The following IL1RAPL1 variants were observed in gnomAD, a reference collection of about 807,000 sequenced individuals.
The protein encoded by IL1RAPL1 is interleukin-1 receptor accessory protein-like 1.
IL1RAPL1 carries 3 observed loss-of-function variants against 48.4 expected under a neutral mutation model. That is an observed-to-expected ratio of 0.06 (90% CI 0.03 to 0.16). The LOEUF is 0.16. Ranked by LOEUF, IL1RAPL1 falls within the 10% of genes least tolerant of loss-of-function variation. The pLI is 1.00. For missense variants in IL1RAPL1, 349 were observed against 530.6 expected (o/e 0.66, Z 3.36); for synonymous variants, 185 against 187.7 (o/e 0.99, Z 0.12).
At chrX:29,353,835 T>G (rs757989449) in intron 3 of IL1RAPL1, among the ~76,000 whole-genome samples, 17 of 108,050 alleles carry the variant, frequency 1.6e-4, no homozygotes, top group African/African-American at 5.7e-4. Flanking sequence ...TCCAGTGTTT[T>G]TTTTTTTTTT....
intron 1 of IL1RAPL1, among the ~76,000 whole-genome samples, chrX:28,605,331 C>T (rs1239811396): frequency 8.9e-6 from 1 of 112,423 alleles, no homozygotes; most frequent in Admixed American, 9.4e-5. Context: ...CCCAAATCTA[C>T]TTTGTTCGCA....
chrX:28,775,281 C>G (rs981385759), intron 1 of IL1RAPL1, among the ~76,000 whole-genome samples: 2 of 112,097 alleles, frequency 1.8e-5, no homozygotes, highest in African/African-American at 6.5e-5. Context: ...AGGCCATGCT[C>G]TCGCAGAAGT....
chrX:29,632,332 G>T, intron 5 of IL1RAPL1, among the ~76,000 whole-genome samples: 1 of 109,625 alleles, frequency 9.1e-6, no homozygotes, highest in Non-Finnish European at 1.9e-5. Context: ...TGTATTTTCA[G>T]TAGAGACGGG....
intron 5 of IL1RAPL1, among the ~76,000 whole-genome samples, chrX:29,638,582 A>G (rs1031920374): frequency 1.8e-5 from 2 of 111,542 alleles, no homozygotes; most frequent in African/African-American, 6.5e-5. Flanking sequence ...TTATTCCTTG[A>G]CAGTTATCAG....
chrX:29,293,692 T>C (rs1932404931), intron 3 of IL1RAPL1, among the ~76,000 whole-genome samples: 1 of 111,507 alleles, frequency 9.0e-6, no homozygotes, highest in African/African-American at 3.3e-5. Flanking sequence ...AATTGGTAAT[T>C]ATAATGAGGG....
intron 6 of IL1RAPL1, among the ~76,000 whole-genome samples, chrX:29,750,081 C>T (rs1928422095): frequency 8.9e-6 from 1 of 112,027 alleles, no homozygotes; most frequent in Non-Finnish European, 1.9e-5. Flanking sequence ...TTCCTTGTGA[C>T]ACCTCAATTC....
At chrX:29,361,561 A>ACACACACACG (rs1555998905) in intron 3 of IL1RAPL1, among the ~76,000 whole-genome samples, 7 of 108,048 alleles carry the variant, frequency 6.5e-5, no homozygotes, top group African/African-American at 2.5e-4. Context: ...ACACACACAC[A>ACACACACACG]CACACACACA....
intron 2 of IL1RAPL1, among the ~76,000 whole-genome samples, chrX:29,124,231 C>A (rs1325548283): frequency 8.9e-6 from 1 of 111,845 alleles, no homozygotes; most frequent in East Asian, 2.8e-4. Context: ...ATAATTGATC[C>A]AGAGGATATT....
intron 1 of IL1RAPL1, among the ~76,000 whole-genome samples, chrX:28,738,469 G>T (rs968078732): frequency 9.0e-6 from 1 of 111,255 alleles, no homozygotes; most frequent in African/African-American, 3.3e-5. Context: ...ATTAAAACTG[G>T]GGGAGAGTTA....
At position 29,355,229 on chromosome X, in the gene IL1RAPL1, A is replaced by G. The variant is rs897871059; in HGVS notation, c.363-41029A>G. 3.6e-5 allele frequency among the ~76,000 whole-genome samples: 4 copies of G among 111,755 alleles called. No homozygotes were observed. In the Admixed American group the frequency reaches 3.8e-4, roughly 11 times the overall value. On this transcript the variant is annotated intron_variant, in intron 3 of 10. Coordinates refer to ENST00000378993, the MANE Select transcript of IL1RAPL1 (RefSeq NM_014271.4). ...TCACATGTGTCTGCTATTTCTCAAA[A>G]TAACTAGTTCAAAATAATCCTTATA... is the stretch of plus-strand genomic sequence containing the variant.
chrX:29,900,368 G>T (rs184929886), intron 6 of IL1RAPL1, among the ~76,000 whole-genome samples: 43 of 112,093 alleles, frequency 3.8e-4, no homozygotes, highest in Non-Finnish European at 6.6e-4. Flanking sequence ...AGAAAAGCAG[G>T]TTTGTGCCTA....
chrX:29,840,491 T>A (rs1395065241), intron 6 of IL1RAPL1, among the ~76,000 whole-genome samples: 2 of 112,273 alleles, frequency 1.8e-5, no homozygotes, highest in Non-Finnish European at 3.8e-5. Flanking sequence ...AGGAAATCAC[T>A]GTACTTGTCA....
At chrX:29,230,508 A>AAAAAAAAAAC (rs1335687108) in intron 2 of IL1RAPL1, among the ~76,000 whole-genome samples, 3 of 82,136 alleles carry the variant, frequency 3.7e-5, no homozygotes, top group Admixed American at 1.4e-4. Context: ...CTTTACCAAA[A>AAAAAAAAAAC]AAAAAAAAAA....
intron 5 of IL1RAPL1, among the ~76,000 whole-genome samples, chrX:29,638,179 G>A (rs936699069): frequency 9.9e-5 from 11 of 110,981 alleles, no homozygotes; most frequent in African/African-American, 2.6e-4. Context: ...CTGAATGAAC[G>A]GTGACATTTT....
At chrX:29,306,506 T>G (rs1602161552) in intron 3 of IL1RAPL1, among the ~76,000 whole-genome samples, 1 of 67,005 alleles carries the variant, frequency 1.5e-5, no homozygotes, top group Non-Finnish European at 2.6e-5. Context: ...TCCAGCCTGG[T>G]GACAGAGCAA....
intron 5 of IL1RAPL1, among the ~76,000 whole-genome samples, chrX:29,639,773 A>C (rs1027735298): frequency 9.0e-6 from 1 of 111,105 alleles, no homozygotes. Context: ...CATGTTGTCA[A>C]AGCTAACCTT....
chrX:29,496,733 G>A (rs910548240), intron 5 of IL1RAPL1, among the ~76,000 whole-genome samples: 3 of 111,441 alleles, frequency 2.7e-5, no homozygotes, highest in Non-Finnish European at 3.8e-5. Context: ...TAGTGCAGAT[G>A]TCTCCATTTT....
chrX:29,178,736 A>G (rs1342855691), intron 2 of IL1RAPL1, among the ~76,000 whole-genome samples: 5 of 111,947 alleles, frequency 4.5e-5, no homozygotes, highest in African/African-American at 1.3e-4. Context: ...TAGGTCTAAC[A>G]TTTATGTCTT....
chrX:29,327,242 A>T (rs1932848704), intron 3 of IL1RAPL1, among the ~76,000 whole-genome samples: 1 of 111,559 alleles, frequency 9.0e-6, no homozygotes, highest in African/African-American at 3.3e-5. Context: ...TGAAAAAGAC[A>T]AAATAAAAAA....
Sources: allele counts gnomAD v4.1 joint callset (sites outside exome capture counted in the v4.1 genomes callset), GRCh38; gene constraint gnomAD v4.1.1; transcripts MANE v1.5; gene names NCBI Gene and HGNC (gene_info 2026-07-23, HGNC 2026-07-21).